NUP37: variants seen among roughly 807,000 people sequenced by gnomAD.
NUP37 encodes nucleoporin 37.
In NUP37, 33 loss-of-function variants were observed where a neutral mutation model predicts 45.4. The observed-to-expected ratio is 0.73, with a 90% CI of 0.55 to 0.97. The LOEUF is 0.97. NUP37 is among the 50% of genes least tolerant of loss of function. The pLI, the probability that NUP37 is intolerant of heterozygous loss-of-function variation, is 0.00. For missense variants in NUP37, 365 were observed against 389.7 expected (o/e 0.94, Z 0.53); for synonymous variants, 127 against 130.7 (o/e 0.97, Z 0.19).
chr12:102,112,357 C>A, intron 2 of NUP37, 125 bp from the exon 3 acceptor site: 1 of 689,034 alleles, frequency 1.5e-6, no homozygotes, highest in Admixed American at 3.6e-5. Context: ...AAGCAAATTA[C>A]ATATTAAGAT....
chr12:102,118,524 A>C lies in NUP37; in HGVS notation c.-6T>G. 1 of 1,605,610 alleles carries C rather than the reference A, an allele frequency of 6.2e-7. No individual in the cohort carries two copies. The highest frequency in any genetic ancestry group is 1.7e-5 in the Admixed American group (1 of 57,488). On this transcript the variant is annotated 5_prime_UTR_variant, in exon 2 of 10. Coordinates refer to ENST00000552283, the MANE Select transcript of NUP37 (RefSeq NM_024057.4). The stretch of plus-strand genomic sequence containing the variant: ...CTTGAGGCATCTTGCTTCATCTTGT[A>C]TGTCAAAATTCAAGCAGTTGTGAAA...
chr12:102,083,761 A>G (rs766816578), intron 6 of NUP37, among the ~76,000 whole-genome samples: 27 of 152,226 alleles, frequency 1.8e-4, no homozygotes, highest in Non-Finnish European at 3.4e-4. Context: ...AAAGTTGCTC[A>G]AGAGGACTCA....
Position 102,085,866 on chromosome 12 carries a change from G to A in NUP37, c.450-10C>T. On this transcript the variant is annotated splice_polypyrimidine_tract_variant and intron_variant, in intron 5 of 9. Transcript: ENST00000552283. ...TTCCAAGTTCCAAATCCTAATAAAAGAATAACAGTATAATGTTAATTGTTC... is the reference window on the plus strand; with the variant it reads ...TTCCAAGTTCCAAATCCTAATAAAAAAATAACAGTATAATGTTAATTGTTC... The A allele has an allele frequency of 7.3e-7, 1 of 1,371,090 alleles. No individual in the cohort carries two copies. The highest frequency in any genetic ancestry group is 1.0e-6 in the Non-Finnish European group (1 of 972,828). The allele number at this position is 1,371,090 out of a possible 1,614,324, so 84.9% of individuals were successfully genotyped here.
At chr12:102,117,478 G>A (rs985816902) in intron 2 of NUP37, among the ~76,000 whole-genome samples, 3 of 151,980 alleles carry the variant, frequency 2.0e-5, no homozygotes, top group African/African-American at 7.3e-5. Flanking sequence ...TACTCTGATA[G>A]ACAAAGGATT....
intron 2 of NUP37, among the ~76,000 whole-genome samples, chr12:102,117,994 C>A (rs951649317): frequency 6.6e-6 from 1 of 152,122 alleles, no homozygotes; most frequent in Admixed American, 6.5e-5. Context: ...GTTTTTTGGG[C>A]TCTCAACATT....
In NUP37 at chr12:102,077,486, C is replaced by G; in HGVS notation, c.558G>C (p.Lys186Asn). 6.2e-7 allele frequency: 1 copy of G among 1,613,232 alleles called. No homozygotes were observed. Among genetic ancestry groups the G allele is most frequent in the Non-Finnish European group, 8.5e-7 (1 of 1,179,944 alleles). ...EETFKLMVAE[K>N]NGTIRFYDLL... ...GATCATAAAACCGGATTGTTCCATTCTTCTCTGCAACCATTAGCTGTAAGA... is the reference window on the plus strand; with the variant it reads ...GATCATAAAACCGGATTGTTCCATTGTTCTCTGCAACCATTAGCTGTAAGA... Residue 186 changes from lysine to asparagine, a missense_variant, in exon 7 of 10, where the codon AAG becomes AAC. Coordinates refer to ENST00000552283, the MANE Select transcript of NUP37 (RefSeq NM_024057.4).
At chr12:102,099,031 T>C in intron 5 of NUP37, 75 bp downstream of exon 5, 1 of 988,772 alleles carries the variant, frequency 1.0e-6, no homozygotes, top group Non-Finnish European at 1.6e-6. Flanking sequence ...AGTCACATTT[T>C]TTTTTCTCAT....
intron 4 of NUP37, among the ~76,000 whole-genome samples, chr12:102,099,864 T>C (rs1879921915): frequency 6.6e-6 from 1 of 152,218 alleles, no homozygotes; most frequent in African/African-American, 2.4e-5. Flanking sequence ...ATAATTACTT[T>C]AATGGTTATC....
At chr12:102,105,948 T>C (rs1880138982) in intron 3 of NUP37, among the ~76,000 whole-genome samples, 1 of 149,030 alleles carries the variant, frequency 6.7e-6, no homozygotes, top group Non-Finnish European at 1.5e-5. Flanking sequence ...TATTTGAAAA[T>C]AGGGTTTTGC....
intron 6 of NUP37, among the ~76,000 whole-genome samples, chr12:102,079,611 C>T (rs556586554): frequency 1.2e-4 from 19 of 152,130 alleles, no homozygotes; most frequent in Non-Finnish European, 2.4e-4. Flanking sequence ...AGTGCTATAA[C>T]TCATGCCTAA....
intron 6 of NUP37, among the ~76,000 whole-genome samples, 181 bp from the exon 7 acceptor site, chr12:102,077,684 T>C (rs1306872914): frequency 6.6e-6 from 1 of 152,208 alleles, no homozygotes; most frequent in African/African-American, 2.4e-5. Context: ...GCTAACATGA[T>C]ACCACAAGTG....
chr12:102,117,427 G>A (rs572299301), intron 2 of NUP37, among the ~76,000 whole-genome samples: 2 of 149,196 alleles, frequency 1.3e-5, no homozygotes, highest in South Asian at 4.3e-4. Context: ...GGGCGACCAA[G>A]CAAAACTCTG....
At chr12:102,082,982 CA>C (rs1330726527) in intron 6 of NUP37, among the ~76,000 whole-genome samples, 1 of 151,960 alleles carries the variant, frequency 6.6e-6, no homozygotes, top group Non-Finnish European at 1.5e-5. Flanking sequence ...TGATTTAGAA[CA>C]GGGACTTTCA....
At chr12:102,114,298 A>C (rs933769978) in intron 2 of NUP37, among the ~76,000 whole-genome samples, 1 of 152,162 alleles carries the variant, frequency 6.6e-6, no homozygotes, top group African/African-American at 2.4e-5. Context: ...AAGTCCTTTA[A>C]TTTGTTACCC....
At chr12:102,102,852 C>T (rs1384078143) in intron 3 of NUP37, among the ~76,000 whole-genome samples, 1 of 152,194 alleles carries the variant, frequency 6.6e-6, no homozygotes, top group Admixed American at 6.5e-5. Context: ...ATTGAAGACA[C>T]TGTCCTTTCT....
chr12:102,108,690 C>T (rs1880227656), intron 3 of NUP37, among the ~76,000 whole-genome samples: 1 of 152,262 alleles, frequency 6.6e-6, no homozygotes, highest in South Asian at 2.1e-4. Flanking sequence ...GCTTATTCTA[C>T]CTAATTCTTC....
At chr12:102,085,932 A>C in intron 5 of NUP37, 76 bp from the exon 6 acceptor site, 1 of 663,018 alleles carries the variant, frequency 1.5e-6, no homozygotes, top group Non-Finnish European at 2.5e-6. Flanking sequence ...CCATGAATTT[A>C]TTCAAAGCTA....
intron 3 of NUP37, among the ~76,000 whole-genome samples, chr12:102,106,194 T>A (rs574906162): frequency 6.6e-6 from 1 of 152,334 alleles, no homozygotes; most frequent in East Asian, 1.9e-4. Flanking sequence ...ACCCCACTGA[T>A]AACTTGATTT....
chr12:102,080,480 ATAC>A (rs1327867255), intron 6 of NUP37, among the ~76,000 whole-genome samples: 3 of 152,222 alleles, frequency 2.0e-5, no homozygotes, highest in Non-Finnish European at 4.4e-5. Flanking sequence ...TGTTAAGATA[ATAC>A]TAATGCTACT....
Sources: gnomAD v4.1 joint callset for allele counts (sites outside exome capture counted in the v4.1 genomes callset) on GRCh38, gnomAD v4.1.1 for gene constraint, MANE v1.5 for transcripts, NCBI Gene and HGNC (gene_info 2026-07-23, HGNC 2026-07-21) for gene names.